Variants in MYH14 observed in about 807,000 individuals in gnomAD.
MYH14 encodes the protein myosin-14.
Under a neutral mutation model 255.5 loss-of-function variants are expected in MYH14, and 123 were observed. The observed-to-expected ratio is 0.48, with a 90% CI of 0.42 to 0.56. MYH14 has a LOEUF of 0.56. MYH14 is among the 20% of genes least tolerant of loss of function. The probability of loss-of-function intolerance (pLI) is 0.00; values close to 1 mark genes in which losing one functional copy is unlikely to be tolerated. For synonymous variants in MYH14, 1,095 were observed against 1,161.2 expected (o/e 0.94, Z 1.16); for missense variants, 2,423 against 2,802.3 (o/e 0.86, Z 3.06).
chr19:50,301,014 G>A (rs996911015), intron 39 of MYH14, among the ~76,000 whole-genome samples: 2 of 152,178 alleles, frequency 1.3e-5, no homozygotes, highest in South Asian at 2.1e-4. Flanking sequence ...CCCTGCGAGG[G>A]TAAAATAAAG....
At position 50,210,565 on chromosome 19, in the gene MYH14, C is replaced by T. The variant is rs1171706056; in HGVS notation, c.200C>T (p.Ala67Val). 6 of 1,581,030 alleles carry T rather than the reference C, an allele frequency of 3.8e-6. No individual in the cohort carries two copies. Among genetic ancestry groups the T allele is most frequent in the African/African-American group, 1.3e-5 (1 of 74,286 alleles). ...CCTTCGGAGCTTCACGGGTTCGAGG[C>T]GGCGGCGCTGCGGGACGAAGGCGAG... is the stretch of plus-strand genomic sequence containing the variant. ...WVPSELHGFE[A>V]AALRDEGEEE... is the part of the protein sequence containing the mutation. The change falls in exon 2 of 43, where the codon GCG (alanine) becomes GTG (valine). Residue 67 changes from alanine to valine, a missense_variant. Ala to Val is a moderately conservative substitution (Grantham distance 64, BLOSUM62 0). Coordinates refer to ENST00000642316, the MANE Select transcript of MYH14 (RefSeq NM_001145809.2).
chr19:50,243,707 T>C (rs997243117), intron 10 of MYH14, among the ~76,000 whole-genome samples: 1 of 152,232 alleles, frequency 6.6e-6, no homozygotes, highest in African/African-American at 2.4e-5. Flanking sequence ...CTTTTGCACA[T>C]AGATAGCAGT....
intron 39 of MYH14, among the ~76,000 whole-genome samples, chr19:50,295,948 T>C (rs1220876476): frequency 5.9e-5 from 9 of 151,728 alleles, no homozygotes; most frequent in Admixed American, 5.9e-4. Flanking sequence ...CCGTCTCTAC[T>C]AAAAATACAA....
At chr19:50,279,597 C>T (rs1051559685) in intron 30 of MYH14, among the ~76,000 whole-genome samples, 6 of 152,214 alleles carry the variant, frequency 3.9e-5, no homozygotes, top group Non-Finnish European at 7.3e-5. Context: ...TGCACCATTG[C>T]GCTCTAGCCT....
chr19:50,300,855 T>C (rs1218922230), intron 39 of MYH14, among the ~76,000 whole-genome samples: 4 of 152,022 alleles, frequency 2.6e-5, no homozygotes, highest in Non-Finnish European at 4.4e-5. Context: ...CTTGGGAGTT[T>C]GAGGCTGCAG....
At chr19:50,212,407 C>T (rs552363281) in intron 2 of MYH14, among the ~76,000 whole-genome samples, 10 of 152,174 alleles carry the variant, frequency 6.6e-5, no homozygotes, top group Non-Finnish European at 1.3e-4. Flanking sequence ...AATATTTAAT[C>T]GAGCACTCGT....
At chr19:50,238,656 T>C (rs1309448971) in intron 10 of MYH14, among the ~76,000 whole-genome samples, 2 of 152,154 alleles carry the variant, frequency 1.3e-5, no homozygotes, top group African/African-American at 4.8e-5. Context: ...TTCACCATGT[T>C]GGCCAGGCTG....
In MYH14 at chr19:50,289,527, C is replaced by T. The variant is rs1319422409; in HGVS notation, c.4844C>T (p.Ala1615Val). The change falls in exon 35 of 43, where the codon GCG becomes GTG. Residue 1615 changes from alanine (A) to valine (V), a missense_variant. By Grantham distance (64) the Ala-to-Val change is moderately conservative. This residue lies in a region of MYH14 where 1,513 missense variants were observed against 1,674.8 expected (regional missense o/e 0.90). Coordinates refer to ENST00000642316, the MANE Select transcript of MYH14 (RefSeq NM_001145809.2). ...ACAGAACTGGAGGATGAGCTGACAG[C>T]GGCCGAGGATGCCAAGCTGCGTCTG... ...QVTELEDELT[A>V]AEDAKLRLEV... 38 of 1,612,956 alleles carry T rather than the reference C, an allele frequency of 2.4e-5. No individual in the cohort carries two copies. The highest frequency in any genetic ancestry group is 3.1e-5 in the Non-Finnish European group (36 of 1,179,594).
Position 50,231,926 on chromosome 19 carries a change from G to A in MYH14, c.974-4G>A, listed in dbSNP as rs1426023469. 1 of 1,613,842 alleles carries A rather than the reference G, an allele frequency of 6.2e-7. No homozygotes were observed. The highest frequency in any genetic ancestry group is 1.7e-5 in the Admixed American group (1 of 60,024). On this transcript the variant is annotated splice_region_variant and splice_polypyrimidine_tract_variant and intron_variant, in intron 9 of 42. Transcript: ENST00000642316. ...GACCTTGACCCCACTCATTGTCCCT[G>A]CAGCCGACCTCCTCCTCGAGCCCTG... is the stretch of plus-strand genomic sequence containing the variant.
At chr19:50,258,398 T>C (rs146694097) in intron 18 of MYH14, 1,767 of 152,232 alleles carry the variant, frequency 0.012, 19 homozygotes, top group Non-Finnish European at 0.018. Context: ...TTGTACTGTT[T>C]AGATTTTTGC....
chr19:50,240,270 A>G (rs1435012287), intron 10 of MYH14, among the ~76,000 whole-genome samples: 1 of 152,194 alleles, frequency 6.6e-6, no homozygotes, highest in Non-Finnish European at 1.5e-5. Context: ...TGCTGCGCAT[A>G]TGTATTTACA....
At chr19:50,231,644 T>C (rs1180756690) in intron 9 of MYH14, among the ~76,000 whole-genome samples, 1 of 151,900 alleles carries the variant, frequency 6.6e-6, no homozygotes, top group Non-Finnish European at 1.5e-5. Flanking sequence ...GCCCAGGAGT[T>C]TGAGGCTGTG....
At chr19:50,296,491 C>A (rs1472023483) in intron 39 of MYH14, among the ~76,000 whole-genome samples, 2 of 152,122 alleles carry the variant, frequency 1.3e-5, no homozygotes, top group East Asian at 3.9e-4. Context: ...CCTGCGGCCC[C>A]AGCTACTCTG....
At chr19:50,275,282 G>A (rs894409713) in intron 27 of MYH14, among the ~76,000 whole-genome samples, 2 of 152,134 alleles carry the variant, frequency 1.3e-5, no homozygotes, top group African/African-American at 2.4e-5. Flanking sequence ...TTGCAATGAC[G>A]CTGTGTGAAG....
In MYH14 at chr19:50,217,752, C is replaced by T. The variant is rs746669662; in HGVS notation, c.543C>T (p.Ala181=). The T allele has an allele frequency of 2.6e-5, 42 of 1,613,656 alleles. No individual in the cohort carries two copies. The highest frequency in any genetic ancestry group is 3.3e-5 in the Non-Finnish European group (39 of 1,179,884). The change falls in exon 3 of 43, where the codon GCC becomes GCT. Residue 181 remains alanine, a synonymous_variant. Coordinates refer to ENST00000642316, the MANE Select transcript of MYH14 (RefSeq NM_001145809.2). ...PPHVYAVTEG[A]YRSMLQDRED... is the part of the protein sequence containing the mutation. ...ACGTGTACGCAGTGACCGAGGGGGC[C>T]TATCGGAGCATGCTGCAGGGTGAGT...
rs2032137731 is a variant in MYH14 at position 50,210,630 on chromosome 19, C to T, written c.265C>T (p.Leu89=). 3 of 1,569,652 alleles carry T rather than the reference C, an allele frequency of 1.9e-6. No individual in the cohort carries two copies. Among genetic ancestry groups the T allele is most frequent in the Non-Finnish European group, 2.6e-6 (3 of 1,158,808 alleles). ...EVELAESGRR[L]RLPRDQIQRM... ...GGAGCTGGCGGAGAGCGGGAGGCGG[C>T]TGCGACTGCCGCGGGACCAGATCCA... Residue 89 remains leucine, a synonymous_variant, in exon 2 of 43, where the codon CTG becomes TTG. Transcript: ENST00000642316.
chr19:50,257,527 G>A, intron 18 of MYH14, 41 bp downstream of exon 18: 1 of 1,555,778 alleles, frequency 6.4e-7, no homozygotes, highest in Non-Finnish European at 8.7e-7. Flanking sequence ...GGCTGTGGCT[G>A]TGGGTTAAGG....
chr19:50,273,601 G>GGGGT (rs1555772398), intron 27 of MYH14, among the ~76,000 whole-genome samples: 1 of 137,476 alleles, frequency 7.3e-6, no homozygotes, highest in African/African-American at 2.7e-5. Context: ...GAACATGGGG[G>GGGGT]GTGTGTGTGT....
intron 42 of MYH14, 39 bp downstream of exon 42, chr19:50,309,216 C>A (rs770026284): frequency 4.4e-6 from 7 of 1,596,916 alleles, no homozygotes; most frequent in Non-Finnish European, 6.0e-6. Flanking sequence ...GGGTGGGGAG[C>A]ACCCTAACTC....
Sources: allele counts gnomAD v4.1 joint callset (sites outside exome capture counted in the v4.1 genomes callset), GRCh38; gene constraint gnomAD v4.1.1; regional missense constraint gnomAD v4.1.1; transcripts MANE v1.5; gene names NCBI Gene and HGNC (gene_info 2026-07-23, HGNC 2026-07-21).